PACSIN1: variants seen among roughly 807,000 people sequenced by gnomAD.
The protein encoded by PACSIN1 is protein kinase C and casein kinase substrate in neurons protein 1.
A neutral mutation model predicts 59.5 loss-of-function variants in PACSIN1; 15 were observed. The observed-to-expected ratio is 0.25, with a 90% CI of 0.17 to 0.39. The LOEUF (loss-of-function observed/expected upper bound fraction) is 0.39, where lower values mean the gene tolerates loss of function less well. PACSIN1 is among the 10% of genes least tolerant of loss of function. The pLI is 1.00. For missense variants in PACSIN1, 420 were observed against 580.2 expected (o/e 0.72, Z 2.84); for synonymous variants, 210 against 220.6 (o/e 0.95, Z 0.42).
At chr6:34,483,771 G>A (rs1012985110) in intron 1 of PACSIN1, among the ~76,000 whole-genome samples, 10 of 150,112 alleles carry the variant, frequency 6.7e-5, no homozygotes, top group South Asian at 2.1e-4. Context: ...TCAACCTCCC[G>A]AGTAGCTGGG....
rs968535325 is a variant in PACSIN1 at position 34,526,255 on chromosome 6, C to A, written c.-51C>A. On this transcript the variant is annotated 5_prime_UTR_variant, in exon 2 of 10. Transcript: ENST00000244458. Reference sequence around the variant, plus strand: ...CCTGCCCTCCCAGTGCATGAGCAGCCGAGCCTGCTAACCGCAGCTCCGCAC... The same window carrying A: ...CCTGCCCTCCCAGTGCATGAGCAGCAGAGCCTGCTAACCGCAGCTCCGCAC... 2 of 1,502,072 alleles carry A rather than the reference C, an allele frequency of 1.3e-6. No individual in the cohort carries two copies. The highest frequency in any genetic ancestry group is 1.4e-5 in the African/African-American group (1 of 72,902). The allele number at this position is 1,502,072 out of a possible 1,614,324, so 93.0% of individuals were successfully genotyped here. A position where few individuals can be genotyped will look rare whatever the true frequency, so the allele number is the denominator to read the frequency against.
intron 1 of PACSIN1, among the ~76,000 whole-genome samples, chr6:34,505,212 G>C (rs1431003672): frequency 6.6e-6 from 1 of 151,898 alleles, no homozygotes; most frequent in Non-Finnish European, 1.5e-5. Flanking sequence ...TGCTCGGCCT[G>C]TTTTTCCCTT....
rs1224851872 is a variant in PACSIN1, at chr6:34,518,054, G to GT, written c.-63-8187dup. On this transcript the variant is annotated intron_variant, in intron 1 of 9. Transcript: ENST00000244458. This position sits in a 1 kb window ranked among gnomAD's most constrained non-coding sequence, Gnocchi z 4.4. ...TGAGCCATTGCCTCAGGGACATTGG[G>GT]TTGGACAGGACACTGGGCCTGCACT... Among the ~76,000 whole-genome samples the GT allele has an allele frequency of 6.6e-6, 1 of 152,212 alleles. No homozygotes were observed. Among genetic ancestry groups the GT allele is most frequent in the African/African-American group, 2.4e-5 (1 of 41,454 alleles).
At chr6:34,479,613 T>G (rs1439143498) in intron 1 of PACSIN1, among the ~76,000 whole-genome samples, 1 of 151,820 alleles carries the variant, frequency 6.6e-6, no homozygotes, top group Non-Finnish European at 1.5e-5. Context: ...CTTTTAAATT[T>G]ATTTTTATTT....
At chr6:34,526,028 A>C (rs1279395436) in intron 1 of PACSIN1, among the ~76,000 whole-genome samples, 1 of 151,318 alleles carries the variant, frequency 6.6e-6, no homozygotes, top group Non-Finnish European at 1.5e-5. Flanking sequence ...GATTCCAGGG[A>C]GGGGGAAGGA....
chr6:34,529,716 C>A lies in PACSIN1; in HGVS notation c.663C>A (p.Pro221=). ...KVLEDVGKTT[P]QYMENMEQVF... ...TGGAAGATGTGGGCAAGACCACACC[C>A]CAGTACATGGAGAACATGGAGCAGG... Residue 221 remains proline, a synonymous_variant, in exon 6 of 10, where the codon CCC becomes CCA. Coordinates refer to ENST00000244458, the MANE Select transcript of PACSIN1 (RefSeq NM_020804.5). This position sits in a 1 kb window ranked among gnomAD's most constrained non-coding sequence, Gnocchi z 6.3. The A allele has an allele frequency of 6.2e-7, 1 of 1,614,116 alleles. No individual in the cohort carries two copies. Among genetic ancestry groups the A allele is most frequent in the Non-Finnish European group, 8.5e-7 (1 of 1,180,024 alleles).
chr6:34,520,809 G>T (rs924220399), intron 1 of PACSIN1, among the ~76,000 whole-genome samples: 1 of 152,108 alleles, frequency 6.6e-6, no homozygotes, highest in African/African-American at 2.4e-5. Context: ...GGAGGGAAGG[G>T]CTCTCCAGGA....
chr6:34,475,292 A>G (rs866712282), intron 1 of PACSIN1, among the ~76,000 whole-genome samples: 1 of 145,852 alleles, frequency 6.9e-6, no homozygotes, highest in Admixed American at 7.0e-5. Context: ...TCTACTTTCA[A>G]TGTTTCCTAA....
chr6:34,508,117 G>GTTTT (rs1767142554), intron 1 of PACSIN1, among the ~76,000 whole-genome samples: 1 of 152,226 alleles, frequency 6.6e-6, no homozygotes, highest in Admixed American at 6.5e-5. Flanking sequence ...TTGTTTGTTT[G>GTTTT]TTTGAGACGG....
rs1002449996 is a variant in PACSIN1 at position 34,534,546 on chromosome 6, G to A, written c.*2016G>A. 1.3e-5 allele frequency: 2 copies of A among 152,688 alleles called. No individual in the cohort carries two copies. Among genetic ancestry groups the A allele is most frequent in the African/African-American group, 4.8e-5 (2 of 41,442 alleles). 9.5% of individuals were successfully genotyped at this position (152,688 alleles called of 1,614,324 possible). ...GTCCCTCATCGCTTACCTTGGAAAG[G>A]TGGGAAGCTGGCAATCTGCACCTTG... On this transcript the variant is annotated 3_prime_UTR_variant, in exon 10 of 10. Coordinates refer to ENST00000244458, the MANE Select transcript of PACSIN1 (RefSeq NM_020804.5).
chr6:34,490,073 GT>G (rs141584809), intron 1 of PACSIN1, among the ~76,000 whole-genome samples: 52 of 147,684 alleles, frequency 3.5e-4, no homozygotes, highest in East Asian at 1.4e-3. Context: ...GTTCTCTCTT[GT>G]TTTTTTTTTG....
intron 1 of PACSIN1, among the ~76,000 whole-genome samples, chr6:34,505,504 C>G (rs1767097947): frequency 6.7e-6 from 1 of 149,990 alleles, no homozygotes. Flanking sequence ...TCCACAGGTT[C>G]CTGAGGTTCT....
intron 1 of PACSIN1, among the ~76,000 whole-genome samples, chr6:34,509,989 G>A (rs909194009): frequency 1.3e-5 from 2 of 152,196 alleles, no homozygotes; most frequent in African/African-American, 2.4e-5. Flanking sequence ...TTGCTGTGTA[G>A]TATTCCACTA....
intron 1 of PACSIN1, among the ~76,000 whole-genome samples, chr6:34,480,021 T>C (rs1766692905): frequency 6.6e-6 from 1 of 151,224 alleles, no homozygotes; most frequent in African/African-American, 2.4e-5. Flanking sequence ...AGACGGGGTT[T>C]CACCGTGTTG....
intron 1 of PACSIN1, among the ~76,000 whole-genome samples, chr6:34,480,293 C>T (rs1430447615): frequency 1.3e-5 from 2 of 148,662 alleles, no homozygotes; most frequent in African/African-American, 5.0e-5. Context: ...AGTACCATCA[C>T]GGCTCAGTGT....
intron 1 of PACSIN1, among the ~76,000 whole-genome samples, chr6:34,501,735 A>C (rs1196204429): frequency 6.6e-6 from 1 of 152,144 alleles, no homozygotes; most frequent in Non-Finnish European, 1.5e-5. Context: ...GTAGGTTATT[A>C]AAAAATGCTA....
chr6:34,529,475 A>G lies in PACSIN1; in HGVS notation c.535A>G (p.Thr179Ala), dbSNP rs1426615383. 2 of 1,614,182 alleles carry G rather than the reference A, an allele frequency of 1.2e-6. No homozygotes were observed. Among genetic ancestry groups the G allele is most frequent in the Non-Finnish European group, 1.7e-6 (2 of 1,180,036 alleles). The change falls in exon 5 of 10, where the codon ACG becomes GCG. Residue 179 changes from threonine to alanine, a missense_variant. Thr to Ala is a moderately conservative substitution (Grantham distance 58). Coordinates refer to ENST00000244458, the MANE Select transcript of PACSIN1 (RefSeq NM_020804.5). This position sits in a 1 kb window ranked among gnomAD's most constrained non-coding sequence, Gnocchi z 6.3. ...CATGACACGGGAGATGAACAGCAAG[A>G]CGGAGCAATCGGTCACACCTGAGCA... is the stretch of plus-strand genomic sequence containing the variant. ...LAMTREMNSK[T>A]EQSVTPEQQK...
At chr6:34,493,608 G>A (rs1766908141) in intron 1 of PACSIN1, among the ~76,000 whole-genome samples, 1 of 152,180 alleles carries the variant, frequency 6.6e-6, no homozygotes, top group Non-Finnish European at 1.5e-5. Context: ...CACCCTGATG[G>A]TCCAGACATC....
chr6:34,517,250 T>C (rs113536252), intron 1 of PACSIN1, among the ~76,000 whole-genome samples: 2,926 of 152,138 alleles, frequency 0.019, 42 homozygotes, highest in African/African-American at 0.037. Context: ...TCCCGCTCCT[T>C]CTAACATTAC....
Sources: allele counts gnomAD v4.1 joint callset (sites outside exome capture counted in the v4.1 genomes callset), GRCh38; gene constraint gnomAD v4.1.1; non-coding constraint Gnocchi (gnomAD v3.1); transcripts MANE v1.5; gene names NCBI Gene and HGNC (gene_info 2026-07-23, HGNC 2026-07-21).